CEP89: variants seen among roughly 807,000 people sequenced by gnomAD.
CEP89 encodes the protein centrosomal protein 89.
In CEP89, 95 loss-of-function variants were observed where a neutral mutation model predicts 97.6. That is an observed-to-expected ratio of 0.97 (90% CI 0.82 to 1.15). The LOEUF is 1.15. Among genes scored for constraint, CEP89 ranks in the 50% most tolerant of loss-of-function variants. CEP89 has a pLI of 0.00. For synonymous variants in CEP89, 354 were observed against 349.1 expected (o/e 1.01, Z -0.16); for missense variants, 869 against 947.7 (o/e 0.92, Z 1.09).
At chr19:32,952,907 A>G (rs1174345573) in intron 4 of CEP89, among the ~76,000 whole-genome samples, 3 of 143,316 alleles carry the variant, frequency 2.1e-5, no homozygotes, top group Non-Finnish European at 4.5e-5. Flanking sequence ...CTGTCTCAAA[A>G]AAAAAAAAAA....
chr19:32,971,463 A>G (rs1971407349), intron 1 of CEP89: 1 of 533,590 alleles, frequency 1.9e-6, no homozygotes, highest in South Asian at 2.9e-5. Context: ...CAAGACCACC[A>G]TAGGAACATA....
At chr19:32,928,459 A>G (rs1473855673) in intron 9 of CEP89, among the ~76,000 whole-genome samples, 2 of 151,402 alleles carry the variant, frequency 1.3e-5, no homozygotes, top group Admixed American at 6.6e-5. Context: ...CACCCTGGTC[A>G]TGGTAGGTCT....
intron 14 of CEP89, 25 bp downstream of exon 14, chr19:32,915,312 A>C: frequency 6.4e-7 from 1 of 1,561,812 alleles, no homozygotes; most frequent in Non-Finnish European, 8.6e-7. Context: ...AAAAAAAAAA[A>C]AAAGAAAAAA....
chr19:32,880,364 G>A (rs573652512), intron 18 of CEP89, among the ~76,000 whole-genome samples: 16 of 152,186 alleles, frequency 1.1e-4, no homozygotes, highest in Non-Finnish European at 1.9e-4. Flanking sequence ...TCTTGTGAAC[G>A]TTCCTTCCTT....
intron 4 of CEP89, among the ~76,000 whole-genome samples, chr19:32,951,306 T>A (rs550912921): frequency 1.3e-5 from 2 of 152,008 alleles, no homozygotes; most frequent in Non-Finnish European, 2.9e-5. Flanking sequence ...GCCAACATGA[T>A]GAAACCCAAT....
chr19:32,915,230 G>A (rs1970096460), intron 14 of CEP89, 107 bp downstream of exon 14: 3 of 986,686 alleles, frequency 3.0e-6, no homozygotes, highest in Admixed American at 3.1e-5. Flanking sequence ...AGGCTGGGAT[G>A]GGCAGATCAC....
chr19:32,938,650 T>C (rs1970625104), intron 6 of CEP89, among the ~76,000 whole-genome samples: 1 of 152,154 alleles, frequency 6.6e-6, no homozygotes, highest in Admixed American at 6.5e-5. Context: ...AAATTAGTTA[T>C]TAAAATTCTC....
At chr19:32,948,939 G>GTT in intron 4 of CEP89, among the ~76,000 whole-genome samples, 1 of 151,986 alleles carries the variant, frequency 6.6e-6, no homozygotes, top group East Asian at 1.9e-4. Context: ...TGTTGCCCAG[G>GTT]TTCGTCTCAA....
At chr19:32,910,600 C>T (rs773791708) in intron 14 of CEP89, among the ~76,000 whole-genome samples, 15 of 152,108 alleles carry the variant, frequency 9.9e-5, no homozygotes, top group Non-Finnish European at 1.5e-4. Flanking sequence ...TTTTATAACA[C>T]AGCTTAAAAC....
At chr19:32,900,425 A>G (rs1721935861) in intron 15 of CEP89, among the ~76,000 whole-genome samples, 2 of 151,490 alleles carry the variant, frequency 1.3e-5, no homozygotes, top group African/African-American at 4.9e-5. Flanking sequence ...TTCTGTATAT[A>G]TACATATATA....
intron 9 of CEP89, 166 bp downstream of exon 9, chr19:32,931,263 A>C (rs1156395770): frequency 3.4e-6 from 2 of 586,174 alleles, no homozygotes; most frequent in African/African-American, 3.9e-5. Context: ...GGGAAGAAGG[A>C]AGGGAAGGAG....
chr19:32,944,056 T>C (rs1039583331), intron 5 of CEP89, among the ~76,000 whole-genome samples: 91 of 151,792 alleles, frequency 6.0e-4, no homozygotes, highest in African/African-American at 2.2e-3. Context: ...AGTAAAACCC[T>C]GTGTCTAACA....
At chr19:32,956,049 C>CTTTTTTTTTTTTTTT (rs202179963) in intron 3 of CEP89, among the ~76,000 whole-genome samples, 2 of 105,746 alleles carry the variant, frequency 1.9e-5, no homozygotes, top group Non-Finnish European at 3.8e-5. Flanking sequence ...CAATTTGGTT[C>CTTTTTTTTTTTTTTT]TTTTTTTTTT....
intron 8 of CEP89, 117 bp from the exon 9 acceptor site, chr19:32,931,688 G>T: frequency 1.4e-6 from 1 of 713,992 alleles, no homozygotes; most frequent in Non-Finnish European, 2.2e-6. Context: ...GCAATGAACT[G>T]TGTGTGCGTG....
chr19:32,923,064 T>C (rs1164615309), intron 12 of CEP89, among the ~76,000 whole-genome samples: 2 of 152,036 alleles, frequency 1.3e-5, no homozygotes, highest in African/African-American at 4.8e-5. Flanking sequence ...CCTCATGAGC[T>C]TTCTGTTTTG....
At position 32,959,917 on chromosome 19, in the gene CEP89, G is replaced by T. The variant is rs750919965; in HGVS notation, c.288C>A (p.Thr96=). ...GTACCTACCGAGGCCTCAGCTGTGAGGTGGTGGCATAGGGCTCGATGAAGC... is the reference window on the plus strand; with the variant it reads ...GTACCTACCGAGGCCTCAGCTGTGATGTGGTGGCATAGGGCTCGATGAAGC... ...QDSFIEPYAT[T]SQLRPRPNWQ... is the part of the protein sequence containing the mutation. The change falls in exon 3 of 19, where the codon ACC becomes ACA. Residue 96 remains threonine, a synonymous_variant. Transcript: ENST00000305768. 6.2e-7 allele frequency: 1 copy of T among 1,614,100 alleles called. No individual in the cohort carries two copies. Among genetic ancestry groups the T allele is most frequent in the Non-Finnish European group, 8.5e-7 (1 of 1,180,052 alleles).
chr19:32,959,723 T>C (rs1971124259), intron 3 of CEP89, among the ~76,000 whole-genome samples, 177 bp downstream of exon 3: 1 of 152,212 alleles, frequency 6.6e-6, no homozygotes, highest in African/African-American at 2.4e-5. Flanking sequence ...CATTTGACAT[T>C]GGTGATGAAA....
chr19:32,961,080 A>T lies in CEP89; in HGVS notation c.147-1022T>A, dbSNP rs374965185. Reference sequence around the variant, plus strand: ...GGAAATTACCAGACAGTGGAGGAAGAACCATTCACCAGGATCAGAGGAGCA... The same window carrying T: ...GGAAATTACCAGACAGTGGAGGAAGTACCATTCACCAGGATCAGAGGAGCA... On this transcript the variant is annotated intron_variant, in intron 2 of 18. Coordinates refer to ENST00000305768, the MANE Select transcript of CEP89 (RefSeq NM_032816.5). Among the ~76,000 whole-genome samples, 15 of 152,162 alleles carry T rather than the reference A, an allele frequency of 9.9e-5. No individual in the cohort carries two copies. The East Asian group carries it at 1.5e-3, about 16-fold the overall frequency.
intron 16 of CEP89, among the ~76,000 whole-genome samples, chr19:32,888,337 T>C (rs35158384): frequency 0.098 from 14,856 of 152,222 alleles, 911 homozygotes; most frequent in Middle Eastern, 0.17. Context: ...TAAACTAATA[T>C]CCAGGTTGGA....
Sources: allele counts gnomAD v4.1 joint callset (sites outside exome capture counted in the v4.1 genomes callset), GRCh38; gene constraint gnomAD v4.1.1; transcripts MANE v1.5; gene names NCBI Gene and HGNC (gene_info 2026-07-23, HGNC 2026-07-21).